The following ELP4 variants were observed in gnomAD, a reference collection of about 807,000 sequenced individuals.
ELP4 encodes the protein elongator acetyltransferase complex subunit 4, also known as elongator complex protein 4.
ELP4 carries 51 observed loss-of-function variants against 48.9 expected under a neutral mutation model. The observed-to-expected ratio is 1.04, with a 90% CI of 0.83 to 1.32. The LOEUF (loss-of-function observed/expected upper bound fraction) is 1.32. ELP4 is among the 40% of genes most tolerant of loss of function. ELP4 has a pLI of 0.00. For synonymous variants in ELP4, 210 were observed against 189.2 expected, an observed-to-expected ratio of 1.11 and a Z score of -0.90; for missense variants, 519 against 514.6, an observed-to-expected ratio of 1.01 and a Z score of -0.08.
At chr11:31,665,902 G>A (rs1340220331) in intron 9 of ELP4, among the ~76,000 whole-genome samples, 1 of 151,060 alleles carries the variant, frequency 6.6e-6, no homozygotes, top group Non-Finnish European at 1.5e-5. Flanking sequence ...CAGAGCACCT[G>A]CCTAGGCCTC....
At chr11:31,637,552 T>C (rs1945007209) in intron 7 of ELP4, among the ~76,000 whole-genome samples, 1 of 151,982 alleles carries the variant, frequency 6.6e-6, no homozygotes. Flanking sequence ...GTGCTGCTTG[T>C]CCCCCTTTTA....
Position 31,790,292 on chromosome 11 carries a change from T to C in ELP4, c.*6768T>C. 1 of 601,910 alleles carries C rather than the reference T, an allele frequency of 1.7e-6. No homozygotes were observed. Among genetic ancestry groups the C allele is most frequent in the Non-Finnish European group, 2.5e-6 (1 of 393,880 alleles). 37.3% of individuals were successfully genotyped at this position (601,910 alleles called of 1,614,324 possible). On this transcript the variant is annotated 3_prime_UTR_variant, in exon 10 of 10. Coordinates refer to ENST00000640961, the MANE Select transcript of ELP4 (RefSeq NM_019040.5). ...AAAATCCTCTGTTTGTTTGCATGTT[T>C]GGAACTTTTACAATAAAGCTGTCTC...
intron 9 of ELP4, chr11:31,682,190 G>A (rs951170403): frequency 3.9e-5 from 29 of 749,422 alleles, no homozygotes; most frequent in Non-Finnish European, 4.5e-5. Flanking sequence ...GTGAAGAGCT[G>A]TACTTGATAC....
intron 9 of ELP4, among the ~76,000 whole-genome samples, chr11:31,669,161 C>T (rs1592207860): frequency 6.6e-6 from 1 of 151,762 alleles, no homozygotes; most frequent in East Asian, 1.9e-4. Context: ...TGCAGTGGCG[C>T]GATCTCGGCT....
chr11:31,661,109 A>G (rs777679357), intron 9 of ELP4, among the ~76,000 whole-genome samples: 6 of 152,010 alleles, frequency 3.9e-5, no homozygotes, highest in African/African-American at 1.2e-4. Flanking sequence ...TTCTCTCTAT[A>G]CTTGCATATT....
At position 31,790,243 on chromosome 11, in the gene ELP4, C is replaced by T. The variant is rs1017659148; in HGVS notation, c.*6719C>T. The T allele has an allele frequency of 3.8e-6, 2 of 532,606 alleles. No homozygotes were observed. The highest frequency in any genetic ancestry group is 6.3e-6 in the Non-Finnish European group (2 of 316,708). The allele number at this position is 532,606 out of a possible 1,614,324, so 33.0% of individuals were successfully genotyped here. A position where few individuals can be genotyped will look rare whatever the true frequency, so the allele number is the denominator to read the frequency against. On this transcript the variant is annotated 3_prime_UTR_variant, in exon 10 of 10. Coordinates refer to ENST00000640961, the MANE Select transcript of ELP4 (RefSeq NM_019040.5). ...CTATTGGATCCCAAGTACCCCCCAC[C>T]CCAATCCAAAGGAAAAGAAAAAAAA...
rs565568363 is a variant in ELP4 at position 31,752,295 on chromosome 11, C to A, written c.1144-31098C>A. Among the ~76,000 whole-genome samples the A allele has an allele frequency of 2.0e-5, 3 of 152,194 alleles. No individual in the cohort carries two copies. The East Asian group carries it at 5.8e-4, about 29-fold the overall frequency. On this transcript the variant is annotated intron_variant, in intron 9 of 9. Coordinates refer to ENST00000640961, the MANE Select transcript of ELP4 (RefSeq NM_019040.5). ...TTAGTAATTTTAAAAAACAAATTTC[C>A]TAGGAAACAGCATAGAAGAAAAGTT...
chr11:31,627,702 C>T (rs1391487602), intron 6 of ELP4, among the ~76,000 whole-genome samples: 2 of 151,924 alleles, frequency 1.3e-5, no homozygotes, highest in African/African-American at 4.8e-5. Context: ...TTAAAACTTC[C>T]TCCAAATTTC....
chr11:31,564,384 T>C (rs904966799), intron 3 of ELP4, among the ~76,000 whole-genome samples: 5 of 152,062 alleles, frequency 3.3e-5, no homozygotes, highest in Non-Finnish European at 7.4e-5. Context: ...TTTTCTTTTT[T>C]TTTTTTTAAT....
In ELP4 at chr11:31,617,089, G is replaced by A. The variant is rs186028428; in HGVS notation, c.654-10021G>A. On this transcript the variant is annotated intron_variant, in intron 5 of 9. Transcript: ENST00000640961. ...ATATGTCCAAAAAAATGGAAAGCAG[G>A]GATTTGAAGAGATATTTGGACACCC... 1.9e-3 allele frequency among the ~76,000 whole-genome samples: 285 copies of A among 151,996 alleles called. 1 individual carries two copies. The highest frequency in any genetic ancestry group is 3.1e-3 in the Non-Finnish European group (212 of 67,918).
intron 7 of ELP4, among the ~76,000 whole-genome samples, chr11:31,640,597 T>C (rs1945074865): frequency 6.6e-6 from 1 of 151,966 alleles, no homozygotes; most frequent in South Asian, 2.1e-4. Flanking sequence ...ATCTTTAATG[T>C]TGGGAAGGAC....
chr11:31,763,961 A>G (rs979161993), intron 9 of ELP4, among the ~76,000 whole-genome samples: 2 of 152,102 alleles, frequency 1.3e-5, no homozygotes, highest in Non-Finnish European at 2.9e-5. Flanking sequence ...TAAACCGAAA[A>G]TCTATAGTTA....
At chr11:31,770,366 T>C (rs1187206404) in intron 9 of ELP4, among the ~76,000 whole-genome samples, 2 of 152,164 alleles carry the variant, frequency 1.3e-5, no homozygotes, top group East Asian at 3.9e-4. Flanking sequence ...TGACCATGTG[T>C]GACTTATCCA....
intron 9 of ELP4, among the ~76,000 whole-genome samples, chr11:31,701,800 G>C (rs1370751067): frequency 4.0e-5 from 6 of 150,958 alleles, no homozygotes; most frequent in Non-Finnish European, 8.8e-5. Flanking sequence ...TATAATAAGA[G>C]GTAGATTTTC....
intron 2 of ELP4, among the ~76,000 whole-genome samples, chr11:31,525,025 T>A (rs1020983910): frequency 6.6e-6 from 1 of 152,182 alleles, no homozygotes; most frequent in East Asian, 1.9e-4. Flanking sequence ...GGAATTGGCC[T>A]GCTAGCTGGT....
At chr11:31,733,157 G>C (rs1004127848) in intron 9 of ELP4, among the ~76,000 whole-genome samples, 5 of 152,078 alleles carry the variant, frequency 3.3e-5, no homozygotes, top group African/African-American at 1.2e-4. Flanking sequence ...TCACAAGTTA[G>C]GTCACAAAAT....
chr11:31,771,854 C>T (rs1948150712), intron 9 of ELP4, among the ~76,000 whole-genome samples: 1 of 152,080 alleles, frequency 6.6e-6, no homozygotes, highest in African/African-American at 2.4e-5. Context: ...TGGCGGCAGG[C>T]ACCTGTAGTC....
intron 9 of ELP4, among the ~76,000 whole-genome samples, chr11:31,667,848 G>A (rs1232229794): frequency 6.6e-6 from 1 of 152,140 alleles, no homozygotes; most frequent in East Asian, 1.9e-4. Flanking sequence ...ACTGGATTTT[G>A]TGCTAAATTT....
At chr11:31,742,936 A>G (rs1947490298) in intron 9 of ELP4, among the ~76,000 whole-genome samples, 1 of 152,230 alleles carries the variant, frequency 6.6e-6, no homozygotes, top group Non-Finnish European at 1.5e-5. Context: ...AAATGCTCCA[A>G]TTAAAAGACA....
Sources: allele counts gnomAD v4.1 joint callset (sites outside exome capture counted in the v4.1 genomes callset), GRCh38; gene constraint gnomAD v4.1.1; transcripts MANE v1.5; gene names NCBI Gene and HGNC (gene_info 2026-07-23, HGNC 2026-07-21).